Variants in PPP2R5C observed in about 807,000 individuals in gnomAD.
PPP2R5C encodes protein phosphatase 2 regulatory subunit B'gamma, also known as serine/threonine-protein phosphatase 2A 56 kDa regulatory subunit gamma isoform.
A neutral mutation model predicts 68.9 loss-of-function variants in PPP2R5C; 7 were observed. The observed-to-expected ratio is 0.10, with a 90% CI of 0.06 to 0.19. The LOEUF is 0.19. Among genes scored for constraint, PPP2R5C ranks in the 10% least tolerant of loss-of-function variants. The probability of loss-of-function intolerance (pLI) is 1.00; values close to 1 mark genes in which losing one functional copy is unlikely to be tolerated. For missense variants in PPP2R5C, 348 were observed against 641.3 expected, an observed-to-expected ratio of 0.54 and a Z score of 4.94; for synonymous variants, 210 against 222.2, an observed-to-expected ratio of 0.95 and a Z score of 0.49.
intron 2 of PPP2R5C, chr14:101,766,561 C>G (rs2036870622): frequency 6.6e-6 from 1 of 152,184 alleles, no homozygotes; most frequent in Non-Finnish European, 1.5e-5. Flanking sequence ...TTGCCTTATT[C>G]TAGAAACTTC....
chr14:101,776,030 C>G (rs555760653), intron 2 of PPP2R5C, among the ~76,000 whole-genome samples: 16 of 149,672 alleles, frequency 1.1e-4, no homozygotes, highest in African/African-American at 3.5e-4. Flanking sequence ...GTGCCCCCCC[C>G]CCACTCCACC....
intron 5 of PPP2R5C, among the ~76,000 whole-genome samples, chr14:101,884,773 A>G (rs1394658810): frequency 2.6e-5 from 4 of 152,126 alleles, no homozygotes; most frequent in African/African-American, 9.7e-5. Context: ...TTCCTGAAAC[A>G]TCCCTTCACT....
chr14:101,884,880 C>T (rs897182450), intron 5 of PPP2R5C, among the ~76,000 whole-genome samples: 7 of 152,364 alleles, frequency 4.6e-5, no homozygotes, highest in East Asian at 3.9e-4. Context: ...CTGCCAGTTT[C>T]GTGCTCCCCA....
upstream of PPP2R5C, among the ~76,000 whole-genome samples, chr14:101,808,794 AT>A (rs544384776): frequency 7.9e-4 from 121 of 152,204 alleles, no homozygotes; most frequent in African/African-American, 2.8e-3. Context: ...GAAAGGAGGA[AT>A]TTTTTTCAGT....
chr14:101,823,111 A>G (rs563454244), intron 1 of PPP2R5C, among the ~76,000 whole-genome samples: 2 of 152,350 alleles, frequency 1.3e-5, no homozygotes, highest in African/African-American at 2.4e-5. Context: ...TTTGAACACT[A>G]CTTGACATTT....
chr14:101,821,440 G>GTGTGT (rs1566869921), intron 1 of PPP2R5C, among the ~76,000 whole-genome samples: 25 of 132,106 alleles, frequency 1.9e-4, no homozygotes, highest in African/African-American at 6.3e-4. Context: ...CCCTGTGGGG[G>GTGTGT]GTGGGTGGGT....
chr14:101,859,676 G>T (rs976229120), intron 2 of PPP2R5C, among the ~76,000 whole-genome samples: 4 of 152,178 alleles, frequency 2.6e-5, no homozygotes, highest in Non-Finnish European at 5.9e-5. Context: ...CTCTTGTCAA[G>T]AATTTAAGCA....
At chr14:101,788,530 C>T (rs1020254787) in intron 3 of PPP2R5C, among the ~76,000 whole-genome samples, 1 of 152,194 alleles carries the variant, frequency 6.6e-6, no homozygotes, top group Non-Finnish European at 1.5e-5. Context: ...GTTTTCTATT[C>T]TCAACCTCCG....
At chr14:101,903,868 G>T (rs1398988127) in intron 9 of PPP2R5C, among the ~76,000 whole-genome samples, 1 of 151,590 alleles carries the variant, frequency 6.6e-6, no homozygotes, top group East Asian at 1.9e-4. Context: ...TAGAGACGGG[G>T]TTTCACCATA....
chr14:101,809,295 G>A (rs1271127416), upstream of PPP2R5C, among the ~76,000 whole-genome samples: 1 of 151,590 alleles, frequency 6.6e-6, no homozygotes, highest in African/African-American at 2.4e-5. Flanking sequence ...AAAGTGTTTG[G>A]GATCATAAGT....
chr14:101,772,110 T>C (rs915745211), intron 2 of PPP2R5C, among the ~76,000 whole-genome samples: 1 of 152,102 alleles, frequency 6.6e-6, no homozygotes, highest in African/African-American at 2.4e-5. Flanking sequence ...CCAAAATAAT[T>C]CTTATGGGAG....
At chr14:101,785,900 A>G in intron 2 of PPP2R5C, 118 bp from the exon 3 acceptor site, 1 of 909,310 alleles carries the variant, frequency 1.1e-6, no homozygotes, top group Non-Finnish European at 1.6e-6. Context: ...GATGTCTTCC[A>G]TGGAGTGAAG....
chr14:101,772,782 T>A (rs1166787764), intron 2 of PPP2R5C, among the ~76,000 whole-genome samples: 1 of 152,108 alleles, frequency 6.6e-6, no homozygotes, highest in Non-Finnish European at 1.5e-5. Flanking sequence ...GGTGACAGAA[T>A]GCAACTCCGC....
At chr14:101,771,904 TTTTAAA>T (rs762018204) in intron 2 of PPP2R5C, among the ~76,000 whole-genome samples, 3 of 152,202 alleles carry the variant, frequency 2.0e-5, no homozygotes, top group Non-Finnish European at 2.9e-5. Flanking sequence ...CATATGGCTA[TTTTAAA>T]TTTAAATTTA....
upstream of PPP2R5C, among the ~76,000 whole-genome samples, chr14:101,761,339 G>C (rs1270923220): frequency 1.3e-5 from 2 of 152,048 alleles, no homozygotes; most frequent in Non-Finnish European, 2.9e-5. Flanking sequence ...AGCGGGCCAC[G>C]GCCCTGTCAC....
At chr14:101,914,332 A>C in intron 12 of PPP2R5C, 1 of 354,690 alleles carries the variant, frequency 2.8e-6, no homozygotes, top group South Asian at 2.1e-5. Flanking sequence ...CTAAACAGAA[A>C]ATACTTCATG....
At chr14:101,779,436 G>A (rs1193611835) in intron 2 of PPP2R5C, among the ~76,000 whole-genome samples, 3 of 152,202 alleles carry the variant, frequency 2.0e-5, no homozygotes, top group Admixed American at 2.0e-4. Context: ...TGGCATTTGA[G>A]CTAGAACTGA....
intron 5 of PPP2R5C, among the ~76,000 whole-genome samples, chr14:101,885,385 C>T (rs892185450): frequency 2.0e-5 from 3 of 149,462 alleles, no homozygotes; most frequent in South Asian, 4.3e-4. Context: ...GTCATTAGGG[C>T]CCGCAGCCCC....
At chr14:101,866,015 CT>C (rs1236169830) in intron 2 of PPP2R5C, among the ~76,000 whole-genome samples, 1 of 152,222 alleles carries the variant, frequency 6.6e-6, no homozygotes, top group Non-Finnish European at 1.5e-5. Context: ...CTGCCTCAGC[CT>C]CCCAAGTAGC....
Sources: gnomAD v4.1 joint callset for allele counts (sites outside exome capture counted in the v4.1 genomes callset) on GRCh38, gnomAD v4.1.1 for gene constraint, MANE v1.5 for transcripts, NCBI Gene and HGNC (gene_info 2026-07-23, HGNC 2026-07-21) for gene names.